Variants in IL1RAPL2 observed in about 807,000 individuals in gnomAD.
IL1RAPL2 encodes the protein interleukin 1 receptor accessory protein like 2.
In IL1RAPL2, 3 loss-of-function variants were observed where a neutral mutation model predicts 44.1. That is an observed-to-expected ratio of 0.07 (90% CI 0.03 to 0.18). IL1RAPL2 has a LOEUF of 0.18. Among genes scored for constraint, IL1RAPL2 ranks in the 10% least tolerant of loss-of-function variants. The pLI, the probability that IL1RAPL2 is intolerant of heterozygous loss-of-function variation, is 1.00. For missense variants in IL1RAPL2, 391 were observed against 496.4 expected (o/e 0.79, Z 2.02); for synonymous variants, 181 against 178.8 (o/e 1.01, Z -0.10).
At chrX:105,191,403 C>A (rs1008067277) in intron 2 of IL1RAPL2, among the ~76,000 whole-genome samples, 5 of 111,505 alleles carry the variant, frequency 4.5e-5, no homozygotes, top group Non-Finnish European at 9.4e-5. Context: ...TTAGTAGAGA[C>A]AGGATTTCAC....
At position 105,531,742 on chromosome X, in the gene IL1RAPL2, CAGAT is replaced by C. The variant is rs758501439; in HGVS notation, c.772+47358_772+47361del. Reference sequence around the variant, plus strand: ...TTGATTTTATTTTTGTATATGGTGACAGATAGGGATCTAATTTCATTCTCCTACA... The same window carrying C: ...TTGATTTTATTTTTGTATATGGTGACAGGGATCTAATTTCATTCTCCTACA... On this transcript the variant is annotated intron_variant, in intron 6 of 10. Transcript: ENST00000372582. 3.1e-3 allele frequency among the ~76,000 whole-genome samples: 345 copies of C among 111,788 alleles called. 3 individuals carry two copies. The highest frequency in any genetic ancestry group is 0.011 in the African/African-American group (333 of 30,762).
At chrX:105,681,550 G>T (rs2037925675) in intron 6 of IL1RAPL2, among the ~76,000 whole-genome samples, 1 of 111,955 alleles carries the variant, frequency 8.9e-6, no homozygotes, top group Non-Finnish European at 1.9e-5. Context: ...CTGAGGTCAG[G>T]GGTTCCAGAC....
At chrX:105,310,339 T>C (rs928904253) in intron 5 of IL1RAPL2, among the ~76,000 whole-genome samples, 3 of 111,526 alleles carry the variant, frequency 2.7e-5, no homozygotes, top group African/African-American at 9.8e-5. Flanking sequence ...TAATTTGTGT[T>C]TTTACATCTT....
intron 2 of IL1RAPL2, among the ~76,000 whole-genome samples, chrX:105,027,476 G>GA (rs200609842): frequency 0.025 from 2,776 of 110,647 alleles, 81 homozygotes; most frequent in African/African-American, 0.086. Flanking sequence ...ACTCTATAGG[G>GA]AAAAAATCTA....
chrX:105,005,293 T>C (rs1037975634), intron 2 of IL1RAPL2, among the ~76,000 whole-genome samples: 15 of 111,306 alleles, frequency 1.3e-4, no homozygotes, highest in Non-Finnish European at 1.9e-4. Context: ...CTTAATGATA[T>C]TGATCTGAAA....
chrX:104,844,537 GGAA>G (rs1388905064), intron 2 of IL1RAPL2, among the ~76,000 whole-genome samples: 1 of 109,053 alleles, frequency 9.2e-6, no homozygotes, highest in Non-Finnish European at 1.9e-5. Flanking sequence ...GGACCACATT[GGAA>G]GAAGAAGGAT....
intron 2 of IL1RAPL2, among the ~76,000 whole-genome samples, chrX:104,693,564 G>A (rs776812936): frequency 8.9e-6 from 1 of 111,743 alleles, no homozygotes; most frequent in African/African-American, 3.3e-5. Context: ...TTGCAGAAAC[G>A]GACTGCCACA....
intron 5 of IL1RAPL2, among the ~76,000 whole-genome samples, chrX:105,412,242 T>C (rs1250931614): frequency 1.8e-5 from 2 of 108,717 alleles, no homozygotes; most frequent in Non-Finnish European, 3.8e-5. Context: ...TAGCACTATT[T>C]ACAATAGCCA....
rs781273970 is a variant in IL1RAPL2 at position 105,338,515 on chromosome X, C to T, written c.697+70974C>T. Among the ~76,000 whole-genome samples the T allele has an allele frequency of 7.1e-5, 8 of 111,963 alleles. No individual in the cohort carries two copies. The South Asian group carries it at 3.0e-3, about 42-fold the overall frequency. The stretch of plus-strand genomic sequence containing the variant: ...TTATACCTACTTCCTGCCTATCCCT[C>T]TTCCACTATTCTCTCCTCCTCAGAG... On this transcript the variant is annotated intron_variant, in intron 5 of 10. Transcript: ENST00000372582.
chrX:105,218,416 C>T (rs946800411), intron 3 of IL1RAPL2, among the ~76,000 whole-genome samples: 2 of 111,387 alleles, frequency 1.8e-5, no homozygotes, highest in Middle Eastern at 4.7e-3. Context: ...AGCTTCATTG[C>T]TCAACATCAT....
chrX:104,717,101 A>G (rs889760818), intron 2 of IL1RAPL2, among the ~76,000 whole-genome samples: 1 of 111,696 alleles, frequency 9.0e-6, no homozygotes, highest in African/African-American at 3.3e-5. Flanking sequence ...AAAAAACAAG[A>G]TCATTTCCTT....
intron 2 of IL1RAPL2, among the ~76,000 whole-genome samples, chrX:105,009,974 T>C (rs1366926892): frequency 9.0e-6 from 1 of 110,872 alleles, no homozygotes; most frequent in Non-Finnish European, 1.9e-5. Context: ...TTTTAATTAA[T>C]TTTTTTATTT....
chrX:105,292,693 AATT>A (rs1407786081), intron 5 of IL1RAPL2, among the ~76,000 whole-genome samples: 1 of 111,918 alleles, frequency 8.9e-6, no homozygotes, highest in Non-Finnish European at 1.9e-5. Context: ...AAAATCATAT[AATT>A]ATAATTCATT....
chrX:105,402,480 T>C (rs2035612994), intron 5 of IL1RAPL2, among the ~76,000 whole-genome samples: 1 of 111,804 alleles, frequency 8.9e-6, no homozygotes, highest in Admixed American at 9.5e-5. Flanking sequence ...TGATTTGTTT[T>C]AGGTATCTTT....
intron 2 of IL1RAPL2, among the ~76,000 whole-genome samples, chrX:105,041,244 TAG>T (rs1569367851): frequency 5.4e-5 from 6 of 111,257 alleles, no homozygotes; most frequent in Non-Finnish European, 1.1e-4. Context: ...GTCTGAGAGA[TAG>T]TTTGTTATAA....
intron 2 of IL1RAPL2, among the ~76,000 whole-genome samples, chrX:104,991,606 A>G (rs2030663999): frequency 8.9e-6 from 1 of 111,759 alleles, no homozygotes; most frequent in Admixed American, 9.5e-5. Context: ...TAGGAACTCA[A>G]AAAATGAGTC....
intron 5 of IL1RAPL2, among the ~76,000 whole-genome samples, chrX:105,480,693 T>G (rs2036228072): frequency 8.9e-6 from 1 of 112,052 alleles, no homozygotes; most frequent in African/African-American, 3.2e-5. Context: ...TGACAGTTCT[T>G]TCTTTCCTTT....
intron 6 of IL1RAPL2, among the ~76,000 whole-genome samples, chrX:105,660,980 G>A (rs1238920204): frequency 9.1e-6 from 1 of 110,478 alleles, no homozygotes; most frequent in Non-Finnish European, 1.9e-5. Flanking sequence ...ATCAAAAGAT[G>A]TTCAGTGGTT....
rs903322031 is a variant in IL1RAPL2, at chrX:105,560,331, A to T, written c.772+75944A>T. The stretch of plus-strand genomic sequence containing the variant: ...ATACTAATGCCTACTTGTGGGCGAC[A>T]TCTTGCACCCCTCTCTTTCTTTAAC... On this transcript the variant is annotated intron_variant, in intron 6 of 10. Coordinates refer to ENST00000372582, the MANE Select transcript of IL1RAPL2 (RefSeq NM_017416.2). 3.6e-5 allele frequency among the ~76,000 whole-genome samples: 4 copies of T among 112,334 alleles called. No homozygotes were observed. The South Asian group carries it at 1.1e-3, about 31-fold the overall frequency.
Sources: allele counts gnomAD v4.1 joint callset (sites outside exome capture counted in the v4.1 genomes callset), GRCh38; gene constraint gnomAD v4.1.1; transcripts MANE v1.5; gene names NCBI Gene and HGNC (gene_info 2026-07-23, HGNC 2026-07-21).